The following PDK1 variants were observed in gnomAD, a reference collection of about 807,000 sequenced individuals.
PDK1 encodes the protein pyruvate dehydrogenase kinase 1.
In PDK1, 39 loss-of-function variants were observed where a neutral mutation model predicts 54.2. The observed-to-expected ratio is 0.72, with a 90% CI of 0.56 to 0.94. PDK1 has a LOEUF of 0.94. PDK1 is among the 40% of genes least tolerant of loss of function. The pLI is 0.00. For synonymous variants in PDK1, 221 were observed against 207.1 expected (o/e 1.07, Z -0.58); for missense variants, 552 against 566.0 (o/e 0.98, Z 0.25).
At chr2:172,652,822 C>G in the PDK1 span, among the ~76,000 whole-genome samples, 1 of 152,038 alleles carries the variant, frequency 6.6e-6, no homozygotes, top group Non-Finnish European at 1.5e-5. Context: ...AATAAAAGAG[C>G]ACACAAACAA....
At chr2:172,614,473 G>C in the PDK1 span, among the ~76,000 whole-genome samples, 1 of 152,214 alleles carries the variant, frequency 6.6e-6, no homozygotes, top group South Asian at 2.1e-4. Context: ...CTGCAGAGAG[G>C]AGTACTCTAC....
the PDK1 span, among the ~76,000 whole-genome samples, chr2:172,706,810 T>C: frequency 1.3e-5 from 2 of 152,224 alleles, no homozygotes; most frequent in Non-Finnish European, 2.9e-5. Flanking sequence ...AGCAGTCTTT[T>C]GGTACCTCTT....
the PDK1 span, among the ~76,000 whole-genome samples, chr2:172,652,586 A>G: frequency 6.6e-6 from 1 of 152,228 alleles, no homozygotes; most frequent in South Asian, 2.1e-4. Flanking sequence ...TCTCAACCCA[A>G]AATCTCCTTA....
chr2:172,568,426 G>A (rs1689077294), intron 6 of PDK1, among the ~76,000 whole-genome samples: 1 of 151,290 alleles, frequency 6.6e-6, no homozygotes. Flanking sequence ...TATTTGGAAA[G>A]TAAAATTCCT....
chr2:172,575,178 A>C (rs1456136063), intron 8 of PDK1, among the ~76,000 whole-genome samples: 1 of 152,144 alleles, frequency 6.6e-6, no homozygotes, highest in Non-Finnish European at 1.5e-5. Context: ...TTCTATATCA[A>C]ACCAACCTTG....
the PDK1 span, among the ~76,000 whole-genome samples, chr2:172,622,153 TC>T: frequency 1.8e-4 from 21 of 119,356 alleles, no homozygotes; most frequent in African/African-American, 6.3e-4. Flanking sequence ...TATGTTTATA[TC>T]ATATATTATG....
At chr2:172,623,378 C>T in the PDK1 span, among the ~76,000 whole-genome samples, 1 of 152,090 alleles carries the variant, frequency 6.6e-6, no homozygotes, top group African/African-American at 2.4e-5. Flanking sequence ...CTAGAAAATG[C>T]AAGTGCTAAG....
chr2:172,641,771 T>A, the PDK1 span, among the ~76,000 whole-genome samples: 3 of 152,136 alleles, frequency 2.0e-5, no homozygotes, highest in South Asian at 6.2e-4. Context: ...GGCCAGTTTT[T>A]ATACAAAAAG....
the PDK1 span, among the ~76,000 whole-genome samples, chr2:172,689,361 A>G: frequency 4.6e-5 from 7 of 152,246 alleles, no homozygotes; most frequent in Non-Finnish European, 8.8e-5. Flanking sequence ...GACACAAACA[A>G]ATGGAAGAAT....
chr2:172,630,632 A>ATT, the PDK1 span, among the ~76,000 whole-genome samples: 250 of 144,184 alleles, frequency 1.7e-3, 1 homozygote, highest in African/African-American at 5.6e-3. Flanking sequence ...CTCTAATGGA[A>ATT]TTTTTTTTTT....
At chr2:172,634,042 AT>A in the PDK1 span, among the ~76,000 whole-genome samples, 1 of 150,304 alleles carries the variant, frequency 6.7e-6, no homozygotes, top group Non-Finnish European at 1.5e-5. Context: ...GGCCTGGCTA[AT>A]TTTTGTATAT....
the PDK1 span, among the ~76,000 whole-genome samples, chr2:172,681,998 T>A: frequency 6.6e-6 from 1 of 152,238 alleles, no homozygotes; most frequent in African/African-American, 2.4e-5. Context: ...CCTCCAGTGA[T>A]CTGTCCACCT....
chr2:172,612,552 CTT>C (rs1691497019), downstream of PDK1, among the ~76,000 whole-genome samples: 1 of 152,000 alleles, frequency 6.6e-6, no homozygotes. Flanking sequence ...ACTGTGTTCT[CTT>C]AAGTCCAGTC....
intron 3 of PDK1, 85 bp downstream of exon 3, chr2:172,562,376 T>G: frequency 1.2e-6 from 1 of 826,590 alleles, no homozygotes; most frequent in South Asian, 1.4e-5. Flanking sequence ...TTCTACTACT[T>G]TAGAACATGT....
chr2:172,628,789 C>G, the PDK1 span, among the ~76,000 whole-genome samples: 559 of 152,180 alleles, frequency 3.7e-3, no homozygotes, highest in Admixed American at 6.9e-3. Flanking sequence ...TCTCCATTCC[C>G]ACCCACGATA....
intron 6 of PDK1, among the ~76,000 whole-genome samples, chr2:172,568,182 G>T (rs1348851272): frequency 6.6e-6 from 1 of 151,930 alleles, no homozygotes; most frequent in Non-Finnish European, 1.5e-5. Flanking sequence ...AGAAAAATCA[G>T]CCAGGCGTGG....
chr2:172,658,214 A>T, the PDK1 span, among the ~76,000 whole-genome samples: 3 of 152,120 alleles, frequency 2.0e-5, no homozygotes, highest in Non-Finnish European at 4.4e-5. Flanking sequence ...AAAACAAACC[A>T]TGTTTTGGGA....
the PDK1 span, among the ~76,000 whole-genome samples, chr2:172,634,157 C>A: frequency 2.0e-5 from 3 of 150,808 alleles, no homozygotes; most frequent in Non-Finnish European, 3.0e-5. Context: ...GGATTACAGG[C>A]GTGAGCCGAT....
intron 8 of PDK1, among the ~76,000 whole-genome samples, chr2:172,577,135 CAT>C (rs1245182020): frequency 6.6e-6 from 1 of 152,042 alleles, no homozygotes; most frequent in African/African-American, 2.4e-5. Flanking sequence ...CTGTTGAGTA[CAT>C]ATATGTTTTT....
Sources: gnomAD v4.1 joint callset for allele counts (sites outside exome capture counted in the v4.1 genomes callset) on GRCh38, gnomAD v4.1.1 for gene constraint, MANE v1.5 for transcripts, NCBI Gene and HGNC (gene_info 2026-07-23, HGNC 2026-07-21) for gene names.